NBEAL2: variants seen among roughly 807,000 people sequenced by gnomAD.
The protein encoded by NBEAL2 is neurobeachin-like protein 2.
Under a neutral mutation model 299.8 loss-of-function variants are expected in NBEAL2, and 160 were observed. The observed-to-expected ratio is 0.53, with a 90% CI of 0.47 to 0.61. NBEAL2 has a LOEUF of 0.61. Ranked by LOEUF, NBEAL2 falls within the 20% of genes least tolerant of loss-of-function variation. The pLI is 0.00. For synonymous variants in NBEAL2, 1,493 were observed against 1,542.3 expected (o/e 0.97, Z 0.75); for missense variants, 3,112 against 3,649.0 (o/e 0.85, Z 3.79).
chr3:46,992,614 C>T (rs1217325390), intron 10 of NBEAL2, 59 bp downstream of exon 10: 27 of 1,455,076 alleles, frequency 1.9e-5, no homozygotes, highest in Non-Finnish European at 2.5e-5. Flanking sequence ...TTGAGCTTTT[C>T]CTGCACTATA....
intron 18 of NBEAL2, 57 bp from the exon 19 acceptor site, chr3:46,997,202 G>A: frequency 6.2e-7 from 1 of 1,602,900 alleles, no homozygotes; most frequent in South Asian, 1.1e-5. Flanking sequence ...TGCTGGGGTG[G>A]AGTAGGGCAG....
In NBEAL2 at chr3:47,007,643, C is replaced by T. The variant is rs748364740; in HGVS notation, c.7453C>T (p.Arg2485Trp). Reference protein sequence around the residue: ...FSGGHWDGSLRVTALPRGKLL... With the variant: ...FSGGHWDGSLWVTALPRGKLL... ...CGGTGGCCACTGGGATGGCAGCCTG[C>T]GGGTGACTGCACTACCCCGTGGCAA... Residue 2485 changes from arginine (R) to tryptophan (W), a missense_variant, in exon 48 of 54, where the codon CGG becomes TGG. Transcript: ENST00000450053. 57 of 1,610,614 alleles carry T rather than the reference C, an allele frequency of 3.5e-5. No homozygotes were observed. Among genetic ancestry groups the T allele is most frequent in the Middle Eastern group, 3.3e-4 (2 of 6,076 alleles).
At position 46,992,513 on chromosome 3, in the gene NBEAL2, T is replaced by C; in HGVS notation, c.1071T>C (p.Ser357=). 2.5e-6 allele frequency: 4 copies of C among 1,605,874 alleles called. No homozygotes were observed. In the South Asian group the frequency reaches 3.4e-5, roughly 13 times the overall value. The change falls in exon 10 of 54, where the codon AGT becomes AGC. Residue 357 remains serine, a synonymous_variant. Coordinates refer to ENST00000450053, the MANE Select transcript of NBEAL2 (RefSeq NM_015175.3). ...LQSRAPPEGD[S]DLATRLLTEP... ...CCCGGGCGCCCCCCGAGGGGGACAG[T>C]GACCTGGCTACCCGGTTACTGACTG...
At position 47,003,224 on chromosome 3, in the gene NBEAL2, A is replaced by T. The variant is rs1001548932; in HGVS notation, c.5635A>T (p.Thr1879Ser). The T allele has an allele frequency of 1.9e-6, 3 of 1,613,036 alleles. No homozygotes were observed. The highest frequency in any genetic ancestry group is 2.5e-6 in the Non-Finnish European group (3 of 1,179,768). ...TEEASLPLAV[T>S]KEAKVSTPPE... ...GGAGGCCTCACTGCCTCTGGCAGTG[A>T]CCAAAGAGGCCAAAGTGAGCACCCC... Residue 1879 changes from threonine to serine, a missense_variant, in exon 35 of 54, where the codon ACC (threonine) becomes TCC (serine). Physicochemically the swap from Thr to Ser is moderately conservative, Grantham distance 58. This residue lies in a region of NBEAL2 where 2,243 missense variants were observed against 2,538.1 expected (regional missense o/e 0.88). Coordinates refer to ENST00000450053, the MANE Select transcript of NBEAL2 (RefSeq NM_015175.3). The surrounding 1 kb of genome is among the most constrained non-coding windows in gnomAD (Gnocchi z 7.0).
chr3:46,998,725 G>C lies in NBEAL2; in HGVS notation c.3230G>C (p.Arg1077Pro), dbSNP rs373407108. 5 of 1,575,474 alleles carry C rather than the reference G, an allele frequency of 3.2e-6. No individual in the cohort carries two copies. Among genetic ancestry groups the C allele is most frequent in the East Asian group, 4.7e-5 (2 of 42,988 alleles). The change falls in exon 23 of 54, where the codon CGG becomes CCG. Residue 1077 changes from arginine (R) to proline (P), a missense_variant. Arg to Pro is a moderately radical substitution (Grantham distance 103). Transcript: ENST00000450053. Reference protein sequence around the residue: ...DALRTHYSPQRERPLAADDLR... With the variant: ...DALRTHYSPQPERPLAADDLR... ...GCCTACTGACCTGCCAGCCCGCAGCGGGAGCGCCCCCTGGCTGCTGACGAC... is the reference window on the plus strand; with the variant it reads ...GCCTACTGACCTGCCAGCCCGCAGCCGGAGCGCCCCCTGGCTGCTGACGAC...
intron 6 of NBEAL2, among the ~76,000 whole-genome samples, chr3:46,990,942 C>T (rs1217563195): frequency 6.6e-6 from 1 of 152,154 alleles, no homozygotes; most frequent in Non-Finnish European, 1.5e-5. Context: ...CACTTTGGGG[C>T]TTAAGGATCT....
At position 47,004,990 on chromosome 3, in the gene NBEAL2, G is replaced by T; in HGVS notation, c.6313G>T (p.Asp2105Tyr). 1 of 1,609,796 alleles carries T rather than the reference G, an allele frequency of 6.2e-7. No homozygotes were observed. Among genetic ancestry groups the T allele is most frequent in the Non-Finnish European group, 8.5e-7 (1 of 1,178,226 alleles). The change falls in exon 39 of 54, where the codon GAC (aspartate) becomes TAC (tyrosine). Residue 2105 changes from aspartate to tyrosine, a missense_variant. By Grantham distance (160) the Asp-to-Tyr change is radical. This residue lies in a region of NBEAL2 where 521 missense variants were observed against 729.6 expected (regional missense o/e 0.71). Coordinates refer to ENST00000450053, the MANE Select transcript of NBEAL2 (RefSeq NM_015175.3). This position sits in a 1 kb window ranked among gnomAD's most constrained non-coding sequence, Gnocchi z 5.0. ...QYPVFPWVLQ[D>Y]YVSPTLDLSN... Reference sequence around the variant, plus strand: ...TGGCCAGTTCCCCTGGGTCCTGCAGGACTACGTGTCCCCAACCCTGGACCT... The same window carrying T: ...TGGCCAGTTCCCCTGGGTCCTGCAGTACTACGTGTCCCCAACCCTGGACCT...
intron 1 of NBEAL2, among the ~76,000 whole-genome samples, chr3:46,986,077 G>A (rs114247022): frequency 1.7e-3 from 263 of 152,254 alleles, no homozygotes; most frequent in African/African-American, 6.0e-3. Context: ...TGAGACCCAG[G>A]GAGGCAGGAC....
rs758929991 is a variant in NBEAL2 at position 47,009,314 on chromosome 3, G to A, written c.8259G>A (p.Ala2753=). Residue 2753 remains alanine, a synonymous_variant, in exon 54 of 54, where the codon GCG becomes GCA. Transcript: ENST00000450053. The part of the protein sequence containing the change: ...SGETEYNPTE[A]R Reference sequence around the variant, plus strand: ...AGACGGAATACAACCCTACTGAGGCGCGCTGAACCTGGCCAGTCCGGCTGC... The same window carrying A: ...AGACGGAATACAACCCTACTGAGGCACGCTGAACCTGGCCAGTCCGGCTGC... 1.5e-5 allele frequency: 24 copies of A among 1,592,660 alleles called. No homozygotes were observed. The highest frequency in any genetic ancestry group is 2.3e-5 in the East Asian group (1 of 43,644).
chr3:47,006,595 G>A (rs2037462537), intron 45 of NBEAL2, 146 bp downstream of exon 45: 1 of 821,124 alleles, frequency 1.2e-6, no homozygotes, highest in African/African-American at 1.7e-5. Context: ...CATGGGAAGA[G>A]TATGGGGGCA....
At position 47,003,205 on chromosome 3, in the gene NBEAL2, C is replaced by T. The variant is rs1483496646; in HGVS notation, c.5616C>T (p.Ala1872=). 6.2e-7 allele frequency: 1 copy of T among 1,612,288 alleles called. No individual in the cohort carries two copies. The highest frequency in any genetic ancestry group is 8.5e-7 in the Non-Finnish European group (1 of 1,179,110). ...GEVPLTPTEE[A]SLPLAVTKEA... is the part of the protein sequence containing the mutation. ...TTCCCCTGACACCCACCGAGGAGGC[C>T]TCACTGCCTCTGGCAGTGACCAAAG... The change falls in exon 35 of 54, where the codon GCC becomes GCT. Residue 1872 remains alanine, a synonymous_variant. Transcript: ENST00000450053. The surrounding 1 kb of genome is among the most constrained non-coding windows in gnomAD (Gnocchi z 7.0).
At position 47,009,521 on chromosome 3, in the gene NBEAL2, G is replaced by A; in HGVS notation, c.*201G>A. ...AGTCCCGCCCCTCGCCGGCTGAGGG[G>A]CCGCCCTGAGGGCCAGCACTGGCGT... On this transcript the variant is annotated 3_prime_UTR_variant, in exon 54 of 54. Coordinates refer to ENST00000450053, the MANE Select transcript of NBEAL2 (RefSeq NM_015175.3). 1.7e-6 allele frequency: 1 copy of A among 601,616 alleles called. No homozygotes were observed. The highest frequency in any genetic ancestry group is 2.9e-6 in the Non-Finnish European group (1 of 343,848). 37.3% of individuals were successfully genotyped at this position (601,616 alleles called of 1,614,324 possible). A position where few individuals can be genotyped will look rare whatever the true frequency, so the allele number is the denominator to read the frequency against.
At position 47,002,761 on chromosome 3, in the gene NBEAL2, G is replaced by C; in HGVS notation, c.5418G>C (p.Leu1806=). Residue 1806 remains leucine (L), a synonymous_variant, in exon 33 of 54, where the codon CTG becomes CTC. Transcript: ENST00000450053. ...HSMALLHWGA[L]WRQLASPCGA... is the part of the protein sequence containing the mutation. Reference sequence around the variant, plus strand: ...TGGCCCTGCTGCACTGGGGGGCGCTGTGGCGCCAGCTCGCCAGCCCATGTG... The same window carrying C: ...TGGCCCTGCTGCACTGGGGGGCGCTCTGGCGCCAGCTCGCCAGCCCATGTG... 6.4e-7 allele frequency: 1 copy of C among 1,572,126 alleles called. No individual in the cohort carries two copies. Among genetic ancestry groups the C allele is most frequent in the Non-Finnish European group, 8.6e-7 (1 of 1,163,656 alleles).
intron 1 of NBEAL2, among the ~76,000 whole-genome samples, chr3:46,984,310 AAAAAAAAAC>A (rs1202450478): frequency 6.6e-6 from 1 of 151,034 alleles, no homozygotes; most frequent in African/African-American, 2.4e-5. Flanking sequence ...ACTCCGTCTC[AAAAAAAAAC>A]AAAAAAAACA....
Position 46,997,761 on chromosome 3 carries a change from G to A in NBEAL2, c.2958+67G>A, listed in dbSNP as rs561227304. On this transcript the variant is annotated intron_variant, in intron 20 of 53. Coordinates refer to ENST00000450053, the MANE Select transcript of NBEAL2 (RefSeq NM_015175.3). ...CAGCCTGTCTGACCGAGGGGACTGA[G>A]TGGGGAACCCTGTCAGTCATGAAGA... The A allele has an allele frequency of 9.8e-6, 14 of 1,428,392 alleles. No homozygotes were observed. The South Asian group carries it at 2.0e-4, about 20-fold the overall frequency. 88.5% of individuals were successfully genotyped at this position (1,428,392 alleles called of 1,614,324 possible).
At position 46,995,080 on chromosome 3, in the gene NBEAL2, G is replaced by T. The variant is rs766537196; in HGVS notation, c.1345G>T (p.Glu449Ter). ...GTGCCCACCTCCACCAATCCGCAAC[G>T]AGCAGCCGGTACTGGTGCTGGCGCA... ...SMCPPPPIRN[E>*]QPVLVLAQWL... Residue 449 changes from glutamate (E) to a stop codon, truncating the protein, a stop_gained, in exon 13 of 54, where the codon GAG becomes TAG. Coordinates refer to ENST00000450053, the MANE Select transcript of NBEAL2 (RefSeq NM_015175.3). LOFTEE classifies it high-confidence loss of function. 1 of 1,562,178 alleles carries T rather than the reference G, an allele frequency of 6.4e-7. No individual in the cohort carries two copies. The highest frequency in any genetic ancestry group is 1.2e-5 in the South Asian group (1 of 85,422).
chr3:47,006,560 A>C, intron 45 of NBEAL2, 111 bp downstream of exon 45: 1 of 1,059,268 alleles, frequency 9.4e-7, no homozygotes, highest in Non-Finnish European at 1.4e-6. Flanking sequence ...CACTGATTTC[A>C]AGGCACCTTA....
In NBEAL2 at chr3:47,004,575, G is replaced by A. The variant is rs1373960699; in HGVS notation, c.6279G>A (p.Leu2093=). 7 of 1,613,646 alleles carry A rather than the reference G, an allele frequency of 4.3e-6. No individual in the cohort carries two copies. In the South Asian group the frequency reaches 5.5e-5, roughly 13 times the overall value. The change falls in exon 38 of 54, where the codon CTG becomes CTA. Residue 2093 remains leucine (L), a synonymous_variant. Coordinates refer to ENST00000450053, the MANE Select transcript of NBEAL2 (RefSeq NM_015175.3). The surrounding 1 kb of genome is among the most constrained non-coding windows in gnomAD (Gnocchi z 5.0). ...TTGCGGGGCGGACCTACAATGACCT[G>A]TCTCAGTACCCTGTGGTGAGGGTCC... The part of the protein sequence containing the change: ...NTIAGRTYND[L]SQYPVFPWVL...
At position 47,008,969 on chromosome 3, in the gene NBEAL2, A is replaced by G. The variant is rs778654455; in HGVS notation, c.8028-20A>G. 4.4e-6 allele frequency: 7 copies of G among 1,598,442 alleles called. No individual in the cohort carries two copies. The African/African-American group carries it at 9.3e-5, about 21-fold the overall frequency. On this transcript the variant is annotated intron_variant, in intron 52 of 53. Coordinates refer to ENST00000450053, the MANE Select transcript of NBEAL2 (RefSeq NM_015175.3). ...CCCCCTTGCAGTCGCAAGTTGGTGT[A>G]TATCCCCTCTCCCTTCCAGACTGCT...
Sources: gnomAD v4.1 joint callset for allele counts (sites outside exome capture counted in the v4.1 genomes callset) on GRCh38, gnomAD v4.1.1 for gene constraint, gnomAD v4.1.1 regional missense constraint, Gnocchi (gnomAD v3.1) non-coding constraint, MANE v1.5 for transcripts, NCBI Gene and HGNC (gene_info 2026-07-23, HGNC 2026-07-21) for gene names.